MGMT: variants seen among roughly 807,000 people sequenced by gnomAD.
MGMT encodes methylated-DNA--protein-cysteine methyltransferase.
MGMT carries 14 observed loss-of-function variants against 15.9 expected under a neutral mutation model. The observed-to-expected ratio is 0.88, with a 90% confidence interval of 0.58 to 1.37. The LOEUF is 1.37. MGMT is among the 40% of genes most tolerant of loss of function. The probability of loss-of-function intolerance (pLI) is 0.00; values close to 1 mark genes in which losing one functional copy is unlikely to be tolerated. For synonymous variants in MGMT, 130 were observed against 118.2 expected, an observed-to-expected ratio of 1.10 and a Z score of -0.65; for missense variants, 282 against 268.1, an observed-to-expected ratio of 1.05 and a Z score of -0.36.
At chr10:129,638,446 G>GAAAAAAAAAA (rs1157292152) in intron 2 of MGMT, among the ~76,000 whole-genome samples, 1 of 96,318 alleles carries the variant, frequency 1.0e-5, no homozygotes, top group South Asian at 3.9e-4. Context: ...AAAAAAAAAA[G>GAAAAAAAAAA]AAAAAAAAAA....
chr10:129,569,040 C>G (rs1295965224), intron 2 of MGMT, among the ~76,000 whole-genome samples: 1 of 152,206 alleles, frequency 6.6e-6, no homozygotes, highest in Non-Finnish European at 1.5e-5. Context: ...CCAGCCCATT[C>G]ATCTCCCCAC....
chr10:129,599,003 C>G (rs1307330655), intron 2 of MGMT, among the ~76,000 whole-genome samples: 1 of 152,184 alleles, frequency 6.6e-6, no homozygotes, highest in East Asian at 1.9e-4. Context: ...TGCTAATACC[C>G]TAGTTGGTAC....
At chr10:129,695,765 C>T (rs1183717641) in intron 2 of MGMT, among the ~76,000 whole-genome samples, 1 of 152,206 alleles carries the variant, frequency 6.6e-6, no homozygotes, top group African/African-American at 2.4e-5. Flanking sequence ...CGCTGCCTGC[C>T]TGGGAGATGG....
intron 2 of MGMT, among the ~76,000 whole-genome samples, chr10:129,640,338 C>G (rs1328854412): frequency 6.6e-6 from 1 of 152,152 alleles, no homozygotes; most frequent in African/African-American, 2.4e-5. Context: ...CCTCATCATC[C>G]ACCCACCTCG....
At chr10:129,552,738 G>A (rs893066785) in intron 2 of MGMT, among the ~76,000 whole-genome samples, 6 of 152,200 alleles carry the variant, frequency 3.9e-5, no homozygotes, top group South Asian at 4.1e-4. Context: ...AGGGCCACGC[G>A]GTCCCCTTCT....
At chr10:129,472,579 A>G (rs1412064873) in intron 1 of MGMT, among the ~76,000 whole-genome samples, 1 of 152,140 alleles carries the variant, frequency 6.6e-6, no homozygotes, top group Non-Finnish European at 1.5e-5. Flanking sequence ...CTGGGAACAG[A>G]TGGGCTTCCG....
chr10:129,724,742 C>A (rs1282115064), intron 3 of MGMT, among the ~76,000 whole-genome samples: 2 of 152,162 alleles, frequency 1.3e-5, no homozygotes, highest in South Asian at 4.1e-4. Flanking sequence ...TCAATTATAT[C>A]ATCTGAGGTA....
intron 2 of MGMT, among the ~76,000 whole-genome samples, chr10:129,618,385 A>G (rs577878847): frequency 2.0e-5 from 3 of 151,940 alleles, no homozygotes; most frequent in Non-Finnish European, 4.4e-5. Flanking sequence ...CCTCATGCCA[A>G]CATGGCCCCG....
At chr10:129,522,823 C>T (rs1480947711) in intron 1 of MGMT, among the ~76,000 whole-genome samples, 1 of 152,190 alleles carries the variant, frequency 6.6e-6, no homozygotes, top group Non-Finnish European at 1.5e-5. Context: ...ACAGTGGCCA[C>T]AGAGAGCCCC....
intron 3 of MGMT, among the ~76,000 whole-genome samples, chr10:129,733,411 T>A (rs542734419): frequency 1.4e-4 from 22 of 151,936 alleles, no homozygotes; most frequent in African/African-American, 5.3e-4. Context: ...GGGTTGTTTG[T>A]TTTTTTCTTG....
intron 2 of MGMT, among the ~76,000 whole-genome samples, chr10:129,637,736 G>A (rs1477250666): frequency 6.6e-6 from 1 of 152,160 alleles, no homozygotes; most frequent in Non-Finnish European, 1.5e-5. Flanking sequence ...TATAAGAAGA[G>A]GAGATTAGGG....
intron 3 of MGMT, among the ~76,000 whole-genome samples, chr10:129,732,462 T>C (rs1446632119): frequency 2.6e-5 from 4 of 152,120 alleles, no homozygotes; most frequent in Non-Finnish European, 5.9e-5. Flanking sequence ...ACTTCATCCA[T>C]GTCCCTGCAA....
chr10:129,693,575 C>G (rs1197656773), intron 2 of MGMT: 1 of 152,774 alleles, frequency 6.5e-6, no homozygotes, highest in East Asian at 1.9e-4. Context: ...GGAGGCCTGG[C>G]TGGGGAAGCG....
intron 2 of MGMT, among the ~76,000 whole-genome samples, chr10:129,671,543 TC>T (rs1329304445): frequency 6.6e-6 from 1 of 152,160 alleles, no homozygotes; most frequent in East Asian, 1.9e-4. Flanking sequence ...AACTGAGACT[TC>T]CGGCCCACAA....
intron 2 of MGMT, among the ~76,000 whole-genome samples, chr10:129,567,312 C>A (rs987596898): frequency 3.9e-5 from 6 of 152,064 alleles, no homozygotes; most frequent in Non-Finnish European, 7.4e-5. Flanking sequence ...CTGCCACCTC[C>A]CACCCCCATC....
chr10:129,667,773 G>C (rs2133110263), intron 2 of MGMT, among the ~76,000 whole-genome samples: 1 of 152,296 alleles, frequency 6.6e-6, no homozygotes, highest in South Asian at 2.1e-4. Context: ...TTTGGTATTA[G>C]GAGCTTCTTC....
chr10:129,604,892 T>C (rs1294093601), intron 2 of MGMT, among the ~76,000 whole-genome samples: 1 of 152,228 alleles, frequency 6.6e-6, no homozygotes, highest in African/African-American at 2.4e-5. Context: ...TCAATAAAGA[T>C]AGCAGAGGGG....
intron 1 of MGMT, among the ~76,000 whole-genome samples, chr10:129,482,868 G>A (rs1845372829): frequency 6.6e-6 from 1 of 152,108 alleles, no homozygotes; most frequent in African/African-American, 2.4e-5. Flanking sequence ...TGTAAAATTG[G>A]AGTATTTAGA....
At chr10:129,698,607 G>A (rs977302421) in intron 2 of MGMT, among the ~76,000 whole-genome samples, 3 of 152,184 alleles carry the variant, frequency 2.0e-5, no homozygotes, top group Admixed American at 2.0e-4. Flanking sequence ...TGCCGTGGTG[G>A]TGGAAGGCAT....
Sources: allele counts gnomAD v4.1 joint callset (sites outside exome capture counted in the v4.1 genomes callset), GRCh38; gene constraint gnomAD v4.1.1; transcripts MANE v1.5; gene names NCBI Gene and HGNC (gene_info 2026-07-23, HGNC 2026-07-21).